CEMIP2: variants seen among roughly 807,000 people sequenced by gnomAD.
The protein encoded by CEMIP2 is cell surface hyaluronidase CEMIP2.
A neutral mutation model predicts 146.9 loss-of-function variants in CEMIP2; 79 were observed. The observed-to-expected ratio is 0.54, with a 90% CI of 0.45 to 0.65. The LOEUF is 0.65. Ranked by LOEUF, CEMIP2 falls within the 30% of genes least tolerant of loss-of-function variation. CEMIP2 has a pLI of 0.00. For synonymous variants in CEMIP2, 601 were observed against 606.3 expected (o/e 0.99, Z 0.13); for missense variants, 1,596 against 1,696.2 (o/e 0.94, Z 1.04).
chr9:71,699,034 T>TAAAAAAAAAAAAA (rs34810834), intron 19 of CEMIP2, among the ~76,000 whole-genome samples: 2 of 132,860 alleles, frequency 1.5e-5, no homozygotes, highest in Non-Finnish European at 3.2e-5. Flanking sequence ...CTGAGAGCAT[T>TAAAAAAAAAAAAA]AAAAAAAAAA....
chr9:71,723,136 G>GGAA (rs562543367), intron 11 of CEMIP2, among the ~76,000 whole-genome samples: 9 of 104,232 alleles, frequency 8.6e-5, no homozygotes, highest in Non-Finnish European at 1.5e-4. Flanking sequence ...AACAGCCAAA[G>GGAA]AAAAAAAAAA....
rs150698902 is a variant in CEMIP2, at chr9:71,704,678, G to A, written c.3111C>T (p.Val1037=). The change falls in exon 18 of 24, where the codon GTC becomes GTT. Residue 1037 remains valine (V), a synonymous_variant. Coordinates refer to ENST00000377044, the MANE Select transcript of CEMIP2 (RefSeq NM_013390.3). ...QKAAFPQYQP[V]VMLEKGYTIH... is the part of the protein sequence containing the mutation. ...TGGTATAACCCTTCTCCAGCATGACGACAGGCTGGTACTGTGGAAAGGCAG... is the reference window on the plus strand; with the variant it reads ...TGGTATAACCCTTCTCCAGCATGACAACAGGCTGGTACTGTGGAAAGGCAG... 396 of 1,614,120 alleles carry A rather than the reference G, an allele frequency of 2.5e-4. No individual in the cohort carries two copies. The highest frequency in any genetic ancestry group is 3.5e-4 in the South Asian group (32 of 91,078).
In CEMIP2 at chr9:71,711,991, G is replaced by A. The variant is rs917900725; in HGVS notation, c.2769+92C>T. 9.5e-6 allele frequency: 13 copies of A among 1,374,408 alleles called. No homozygotes were observed. In the African/African-American group the frequency reaches 1.0e-4, roughly 11 times the overall value. 85.1% of individuals were successfully genotyped at this position (1,374,408 alleles called of 1,614,324 possible). On this transcript the variant is annotated intron_variant, in intron 16 of 23. Transcript: ENST00000377044. ...TGTCTCCTCCCACTCGTACAGACTC[G>A]GTGCAAATCCTTTGCGTTTTTGTCT...
chr9:71,751,877 G>A (rs906218841), intron 1 of CEMIP2, among the ~76,000 whole-genome samples: 4 of 152,070 alleles, frequency 2.6e-5, no homozygotes, highest in African/African-American at 7.2e-5. Flanking sequence ...ATCACTTAAC[G>A]ATATAGATTG....
At chr9:71,701,033 T>C (rs1282291120) in intron 18 of CEMIP2, among the ~76,000 whole-genome samples, 1 of 152,220 alleles carries the variant, frequency 6.6e-6, no homozygotes, top group Non-Finnish European at 1.5e-5. Flanking sequence ...CCTTCATCTG[T>C]TGCTCAAATT....
In CEMIP2 at chr9:71,728,291, ATATATATATACATATATATATATATACG is replaced by A. The variant is rs1564012630; in HGVS notation, c.2049+1526_2049+1553del. On this transcript the variant is annotated intron_variant, in intron 10 of 23. Transcript: ENST00000377044. ...TATATATATATATATGTATATATATATATATATATACATATATATATATATACGTATATATATATATCTCAGCAGGTAT... is the reference window on the plus strand; with the variant it reads ...TATATATATATATATGTATATATATATATATATATATATCTCAGCAGGTAT... 3.5e-3 allele frequency among the ~76,000 whole-genome samples: 61 copies of A among 17,406 alleles called. 1 individual carries two copies. The highest frequency in any genetic ancestry group is 8.1e-3 in the Non-Finnish European group (43 of 5,304). 11.4% of individuals were successfully genotyped at this position (17,406 alleles called of 152,430 possible).
intron 10 of CEMIP2, among the ~76,000 whole-genome samples, 181 bp downstream of exon 10, chr9:71,729,664 A>T (rs1185399973): frequency 6.6e-6 from 1 of 152,020 alleles, no homozygotes; most frequent in Non-Finnish European, 1.5e-5. Context: ...GGGCACAAAG[A>T]ATTTAGGAGA....
At chr9:71,692,297 ATTTT>A (rs10683724) in intron 21 of CEMIP2, among the ~76,000 whole-genome samples, 5 of 78,896 alleles carry the variant, frequency 6.3e-5, no homozygotes, top group African/African-American at 1.5e-4. Context: ...CCTGCCTGAT[ATTTT>A]TTTTTTTTTT....
intron 13 of CEMIP2, 89 bp from the exon 14 acceptor site, chr9:71,716,641 C>T (rs2131923205): frequency 8.9e-7 from 1 of 1,118,736 alleles, no homozygotes; most frequent in African/African-American, 1.6e-5. Flanking sequence ...ATCATGAAAT[C>T]CAAAAGGTCC....
chr9:71,742,177 C>T (rs1823941783), intron 4 of CEMIP2, among the ~76,000 whole-genome samples: 1 of 152,220 alleles, frequency 6.6e-6, no homozygotes, highest in Non-Finnish European at 1.5e-5. Context: ...AGCATGCCTA[C>T]ACCCTTACAA....
chr9:71,759,112 C>T (rs1824549851), intron 1 of CEMIP2, among the ~76,000 whole-genome samples: 1 of 152,120 alleles, frequency 6.6e-6, no homozygotes, highest in African/African-American at 2.4e-5. Flanking sequence ...AATTATAAAC[C>T]TCTGCCTATG....
intron 10 of CEMIP2, among the ~76,000 whole-genome samples, chr9:71,728,103 T>C (rs532648700): frequency 6.7e-6 from 1 of 149,532 alleles, no homozygotes; most frequent in East Asian, 2.0e-4. Context: ...TGGTGGCTCA[T>C]GACTGTAATC....
chr9:71,725,012 T>C (rs1823341672), intron 11 of CEMIP2, among the ~76,000 whole-genome samples: 1 of 152,176 alleles, frequency 6.6e-6, no homozygotes, highest in Non-Finnish European at 1.5e-5. Flanking sequence ...TACACGTGCA[T>C]GTATGTGTTG....
intron 16 of CEMIP2, among the ~76,000 whole-genome samples, chr9:71,711,081 C>T (rs1001985): frequency 0.45 from 68,598 of 151,972 alleles, 18,338 homozygotes; most frequent in Non-Finnish European, 0.6. Context: ...GCCATTGCCA[C>T]CATGGAACTG....
intron 2 of CEMIP2, among the ~76,000 whole-genome samples, chr9:71,746,708 T>C (rs1011382417): frequency 1.3e-5 from 2 of 152,078 alleles, no homozygotes; most frequent in African/African-American, 4.8e-5. Flanking sequence ...AAAGCTGTTT[T>C]AGAAAAGAAA....
Position 71,704,567 on chromosome 9 carries a change from ATTT to A in CEMIP2, c.3194+25_3194+27del, listed in dbSNP as rs755028253. 1.1e-5 allele frequency: 17 copies of A among 1,610,674 alleles called. 1 individual carries two copies. The South Asian group carries it at 1.8e-4, about 17-fold the overall frequency. On this transcript the variant is annotated intron_variant, in intron 18 of 23. Coordinates refer to ENST00000377044, the MANE Select transcript of CEMIP2 (RefSeq NM_013390.3). ...CCACTAAATTACTACTTGCTCAACT[ATTT>A]GAAATAACAGTAACAGAAACATACT...
intron 1 of CEMIP2, 146 bp from the exon 2 acceptor site, chr9:71,750,531 T>G (rs1325408395): frequency 3.3e-6 from 2 of 603,280 alleles, no homozygotes; most frequent in Admixed American, 7.4e-5. Flanking sequence ...CACCTCTGCC[T>G]CCCAGGTTCA....
intron 1 of CEMIP2, among the ~76,000 whole-genome samples, chr9:71,757,905 T>A (rs371405090): frequency 2.6e-5 from 4 of 152,240 alleles, no homozygotes; most frequent in Admixed American, 2.0e-4. Context: ...GCAGACTTTT[T>A]AGGTCCTCTA....
rs59985618 is a variant in CEMIP2, at chr9:71,732,686, A to ATTTTTTT, written c.1394-173_1394-167dup. ...GAATCAGAATCCCAGGACACGGGGA[A>ATTTTTTT]TTTTTTTTTTTTTTTTTTTTTTTTT... On this transcript the variant is annotated intron_variant, in intron 6 of 23. Coordinates refer to ENST00000377044, the MANE Select transcript of CEMIP2 (RefSeq NM_013390.3). Among the ~76,000 whole-genome samples, 82 of 75,876 alleles carry ATTTTTTT rather than the reference A, an allele frequency of 1.1e-3. 6 individuals are homozygous for ATTTTTTT. The highest frequency in any genetic ancestry group is 0.012 in the Middle Eastern group (1 of 82). 49.8% of individuals were successfully genotyped at this position (75,876 alleles called of 152,430 possible).
Sources: gnomAD v4.1 joint callset for allele counts (sites outside exome capture counted in the v4.1 genomes callset) on GRCh38, gnomAD v4.1.1 for gene constraint, MANE v1.5 for transcripts, NCBI Gene and HGNC (gene_info 2026-07-23, HGNC 2026-07-21) for gene names.